MSRA: variants seen among roughly 807,000 people sequenced by gnomAD.
MSRA encodes methionine sulfoxide reductase A.
Under a neutral mutation model 31.3 loss-of-function variants are expected in MSRA, and 54 were observed. The ratio of observed to expected loss-of-function variants is 1.73; its 90% CI spans 1.39 to 2.17. The LOEUF (loss-of-function observed/expected upper bound fraction) is 2.17, where lower values mean the gene tolerates loss of function less well. Among genes scored for constraint, MSRA ranks in the 30% most tolerant of loss-of-function variants. The pLI is 0.00. For missense variants in MSRA, 507 were observed against 300.9 expected (o/e 1.69, Z -5.07); for synonymous variants, 169 against 116.5 (o/e 1.45, Z -2.90).
In MSRA at chr8:10,287,172, C is replaced by A. The variant is rs147759695; in HGVS notation, c.332-14362C>A. On this transcript the variant is annotated intron_variant, in intron 3 of 5. Transcript: ENST00000317173. Reference sequence around the variant, plus strand: ...AATATCAATCAAATTACAGCCGAGTCTGCATCTATACGAAGTCATTGGTAG... The same window carrying A: ...AATATCAATCAAATTACAGCCGAGTATGCATCTATACGAAGTCATTGGTAG... Among the ~76,000 whole-genome samples, 58 of 152,296 alleles carry A rather than the reference C, an allele frequency of 3.8e-4. 1 individual carries two copies. In the East Asian group the frequency reaches 0.011, roughly 28 times the overall value.
chr8:10,121,909 G>C (rs1173153907), intron 1 of MSRA, among the ~76,000 whole-genome samples: 2 of 150,550 alleles, frequency 1.3e-5, no homozygotes. Context: ...TGAAACTCTT[G>C]GCCTCAAGTG....
intron 5 of MSRA, among the ~76,000 whole-genome samples, chr8:10,335,444 G>A (rs1802981674): frequency 6.6e-6 from 1 of 152,066 alleles, no homozygotes; most frequent in Non-Finnish European, 1.5e-5. Context: ...GAGCCTGAAT[G>A]TTTCGAAAAT....
intron 3 of MSRA, among the ~76,000 whole-genome samples, chr8:10,245,823 A>C (rs1360749141): frequency 6.6e-6 from 1 of 152,230 alleles, no homozygotes; most frequent in Non-Finnish European, 1.5e-5. Flanking sequence ...GGCCAAAGCA[A>C]GTCATATGCG....
intron 2 of MSRA, among the ~76,000 whole-genome samples, chr8:10,210,381 C>T (rs1350759210): frequency 1.3e-5 from 2 of 152,316 alleles, no homozygotes; most frequent in African/African-American, 4.8e-5. Flanking sequence ...CATGGGAAGG[C>T]CTTATAGATT....
At position 10,297,880 on chromosome 8, in the gene MSRA, A is replaced by G. The variant is rs147897137; in HGVS notation, c.332-3654A>G. Among the ~76,000 whole-genome samples, 45 of 152,340 alleles carry G rather than the reference A, an allele frequency of 3.0e-4. 1 individual carries two copies. Among genetic ancestry groups the G allele is most frequent in the African/African-American group, 1.0e-3 (43 of 41,576 alleles). On this transcript the variant is annotated intron_variant, in intron 3 of 5. Coordinates refer to ENST00000317173, the MANE Select transcript of MSRA (RefSeq NM_012331.5). ...TGTCATGAAAGAAGAGCCTAATCCC[A>G]TAAAATATTCTTGACAGCCTCGTGT...
chr8:10,129,218 C>T (rs1400676098), intron 1 of MSRA, among the ~76,000 whole-genome samples: 1 of 152,010 alleles, frequency 6.6e-6, no homozygotes, highest in Non-Finnish European at 1.5e-5. Context: ...CTTGGTCACC[C>T]CTGGACATGA....
At chr8:10,349,341 G>A (rs1803981108) in intron 5 of MSRA, among the ~76,000 whole-genome samples, 1 of 152,142 alleles carries the variant, frequency 6.6e-6, no homozygotes, top group South Asian at 2.1e-4. Context: ...GCTCCGCCGT[G>A]CTCTTCCCCA....
chr8:10,117,287 A>G (rs925859419), intron 1 of MSRA, among the ~76,000 whole-genome samples: 4 of 152,168 alleles, frequency 2.6e-5, no homozygotes, highest in African/African-American at 9.6e-5. Flanking sequence ...GTTGGAGCAG[A>G]GCACTGGGCA....
chr8:10,388,037 T>C (rs1465246794), intron 5 of MSRA, among the ~76,000 whole-genome samples: 1 of 152,204 alleles, frequency 6.6e-6, no homozygotes, highest in African/African-American at 2.4e-5. Flanking sequence ...TTCTAGGTTC[T>C]CCAATGGAGC....
chr8:10,346,567 G>C (rs144947641), intron 5 of MSRA, among the ~76,000 whole-genome samples: 1 of 152,282 alleles, frequency 6.6e-6, no homozygotes, highest in East Asian at 1.9e-4. Context: ...CCTTGCGTTC[G>C]GCAGAGACTG....
At chr8:10,205,871 G>GTATCTCTC (rs1808918958) in intron 1 of MSRA, among the ~76,000 whole-genome samples, 1 of 152,054 alleles carries the variant, frequency 6.6e-6, no homozygotes, top group South Asian at 2.1e-4. Context: ...CCACATTTCT[G>GTATCTCTC]TATCTCTCTC....
At chr8:10,184,658 C>T (rs1174128758) in intron 1 of MSRA, among the ~76,000 whole-genome samples, 2 of 152,144 alleles carry the variant, frequency 1.3e-5, no homozygotes, top group Non-Finnish European at 2.9e-5. Flanking sequence ...CTTGCCTCGT[C>T]CATCTCCCCA....
intron 1 of MSRA, among the ~76,000 whole-genome samples, chr8:10,204,227 G>C (rs1038680705): frequency 2.0e-5 from 3 of 152,144 alleles, no homozygotes; most frequent in Non-Finnish European, 2.9e-5. Context: ...AGTAGCTGAG[G>C]TTAATTTAGT....
chr8:10,388,622 C>G (rs1035477435), intron 5 of MSRA, among the ~76,000 whole-genome samples: 2 of 152,268 alleles, frequency 1.3e-5, no homozygotes, highest in East Asian at 3.9e-4. Context: ...GAAACCTGCT[C>G]AGAATCCTGG....
intron 5 of MSRA, among the ~76,000 whole-genome samples, chr8:10,419,889 G>A (rs1007664602): frequency 2.0e-5 from 3 of 152,190 alleles, no homozygotes; most frequent in African/African-American, 4.8e-5. Context: ...CAAGCCATAT[G>A]CTTGGGGCAA....
Position 10,207,921 on chromosome 8 carries a change from A to T in MSRA, c.211+20A>T. The T allele has an allele frequency of 6.2e-7, 1 of 1,601,866 alleles. No homozygotes were observed. The highest frequency in any genetic ancestry group is 1.1e-5 in the South Asian group (1 of 89,330). ...TATTTGGTAAGATATCAATTCTGAA[A>T]GAAAACCCAAATTGTGTGCAAAGAC... On this transcript the variant is annotated intron_variant, in intron 2 of 5. Transcript: ENST00000317173.
chr8:10,221,616 C>G (rs985701885), intron 2 of MSRA, among the ~76,000 whole-genome samples: 9 of 151,842 alleles, frequency 5.9e-5, no homozygotes, highest in Non-Finnish European at 1.2e-4. Flanking sequence ...CAACAGGAAA[C>G]AAACAAAAAT....
At chr8:10,223,239 T>C (rs1371793066) in intron 2 of MSRA, among the ~76,000 whole-genome samples, 2 of 152,162 alleles carry the variant, frequency 1.3e-5, no homozygotes, top group East Asian at 3.9e-4. Context: ...CTCAGAATCA[T>C]GTTGAAAGTG....
chr8:10,191,832 C>A (rs1807536669), intron 1 of MSRA, among the ~76,000 whole-genome samples: 1 of 151,948 alleles, frequency 6.6e-6, no homozygotes, highest in African/African-American at 2.4e-5. Context: ...GAACACATTA[C>A]TGTATTAATT....
Sources: gnomAD v4.1 joint callset for allele counts (sites outside exome capture counted in the v4.1 genomes callset) on GRCh38, gnomAD v4.1.1 for gene constraint, MANE v1.5 for transcripts, NCBI Gene and HGNC (gene_info 2026-07-23, HGNC 2026-07-21) for gene names.